The following E2F3 variants were observed in gnomAD, a reference collection of about 807,000 sequenced individuals.
The protein encoded by E2F3 is E2F transcription factor 3.
In E2F3, 11 loss-of-function variants were observed where a neutral mutation model predicts 44.4. The ratio of observed to expected loss-of-function variants is 0.25; its 90% CI spans 0.16 to 0.41. The LOEUF is 0.41. E2F3 is among the 10% of genes least tolerant of loss of function. The pLI is 1.00. For missense variants in E2F3, 487 were observed against 583.6 expected (o/e 0.83, Z 1.70); for synonymous variants, 249 against 253.0 (o/e 0.98, Z 0.15).
At chr6:20,456,642 C>T (rs922357077) in intron 1 of E2F3, among the ~76,000 whole-genome samples, 2 of 151,984 alleles carry the variant, frequency 1.3e-5, no homozygotes, top group African/African-American at 4.8e-5. Context: ...AAAAAAGTAC[C>T]AAAGTCATTA....
intron 1 of E2F3, among the ~76,000 whole-genome samples, chr6:20,470,426 A>G (rs9460508): frequency 0.017 from 2,578 of 152,326 alleles, 78 homozygotes; most frequent in African/African-American, 0.058. Flanking sequence ...TTGAGTTAAT[A>G]CATAGTTACA....
At chr6:20,437,901 A>C (rs1269909015) in intron 1 of E2F3, 1 of 152,246 alleles carries the variant, frequency 6.6e-6, no homozygotes, top group Non-Finnish European at 1.5e-5. Context: ...CTTCCCATAA[A>C]GTCTGTGCTC....
intron 1 of E2F3, among the ~76,000 whole-genome samples, chr6:20,478,084 A>G (rs1431450440): frequency 6.6e-6 from 1 of 152,100 alleles, no homozygotes; most frequent in African/African-American, 2.4e-5. Flanking sequence ...CTGTGGTCCC[A>G]TCTACTCAGG....
chr6:20,438,365 CT>C, intron 1 of E2F3, among the ~76,000 whole-genome samples: 1 of 152,240 alleles, frequency 6.6e-6, no homozygotes, highest in East Asian at 1.9e-4. Flanking sequence ...ATTTTTAACT[CT>C]ATGTTTTCCC....
rs545608588 is a variant in E2F3 at position 20,464,044 on chromosome 6, G to A, written c.394-15802G>A. Among the ~76,000 whole-genome samples the A allele has an allele frequency of 2.0e-5, 3 of 152,336 alleles. No individual in the cohort carries two copies. In the East Asian group the frequency reaches 5.8e-4, roughly 29 times the overall value. ...AGGGTACAGATAAAGGGATGCACAGGGCGAGGTATGGGGGCAGGAGTGTGG... is the reference window on the plus strand; with the variant it reads ...AGGGTACAGATAAAGGGATGCACAGAGCGAGGTATGGGGGCAGGAGTGTGG... On this transcript the variant is annotated intron_variant, in intron 1 of 6. Coordinates refer to ENST00000346618, the MANE Select transcript of E2F3 (RefSeq NM_001949.5).
At chr6:20,404,739 A>G (rs1225216953) in intron 1 of E2F3, among the ~76,000 whole-genome samples, 1 of 152,190 alleles carries the variant, frequency 6.6e-6, no homozygotes, top group African/African-American at 2.4e-5. Context: ...TTTAGTGACT[A>G]GGGTCTGCCA....
In E2F3 at chr6:20,444,556, C is replaced by G. The variant is rs193118414; in HGVS notation, c.394-35290C>G. The stretch of plus-strand genomic sequence containing the variant: ...ACTAGTCTTTTTTAGAAAGTCTAGT[C>G]GTGGGTCTGTTTCTCTTTATTCCAT... On this transcript the variant is annotated intron_variant, in intron 1 of 6. Transcript: ENST00000346618. Among the ~76,000 whole-genome samples, 13 of 152,164 alleles carry G rather than the reference C, an allele frequency of 8.5e-5. No homozygotes were observed. The South Asian group carries it at 2.3e-3, about 27-fold the overall frequency.
In E2F3 at chr6:20,479,985, T is replaced by A. The variant is rs541639963; in HGVS notation, c.505+28T>A. The stretch of plus-strand genomic sequence containing the variant: ...AAGGATCTTTTCATCTCTTTCCTTA[T>A]TCTCCTTGGTATGGCATTTCCAAGT... On this transcript the variant is annotated intron_variant, in intron 2 of 6. Coordinates refer to ENST00000346618, the MANE Select transcript of E2F3 (RefSeq NM_001949.5). The A allele has an allele frequency of 7.0e-6, 11 of 1,574,742 alleles. No individual in the cohort carries two copies. The South Asian group carries it at 1.0e-4, about 15-fold the overall frequency.
intron 1 of E2F3, among the ~76,000 whole-genome samples, chr6:20,477,606 C>G (rs560588926): frequency 6.6e-6 from 1 of 152,158 alleles, no homozygotes; most frequent in South Asian, 2.1e-4. Context: ...AGCCCCATTC[C>G]CAGAGTTTCT....
chr6:20,436,504 G>A (rs1319953979), intron 1 of E2F3, among the ~76,000 whole-genome samples: 1 of 151,224 alleles, frequency 6.6e-6, no homozygotes, highest in African/African-American at 2.4e-5. Flanking sequence ...GAAAAATTTT[G>A]TAACGTTTTA....
In E2F3 at chr6:20,402,072, G is replaced by A. The variant is rs1294775745; in HGVS notation, c.-161G>A. The A allele has an allele frequency of 2.3e-6, 3 of 1,278,256 alleles. No homozygotes were observed. Among genetic ancestry groups the A allele is most frequent in the Non-Finnish European group, 3.1e-6 (3 of 977,016 alleles). 79.2% of individuals were successfully genotyped at this position (1,278,256 alleles called of 1,614,324 possible). On this transcript the variant is annotated 5_prime_UTR_variant, in exon 1 of 7. Coordinates refer to ENST00000346618, the MANE Select transcript of E2F3 (RefSeq NM_001949.5). The surrounding 1 kb of genome is among the most constrained non-coding windows in gnomAD (Gnocchi z 5.6). ...ATTATTTTTGGCCCCCGGGGCCTGT[G>A]CGGTGCGGAAAAATAAAAAGAAAAG... is the stretch of plus-strand genomic sequence containing the variant.
intron 4 of E2F3, among the ~76,000 whole-genome samples, chr6:20,486,042 C>T (rs1762381111): frequency 6.6e-6 from 1 of 152,134 alleles, no homozygotes; most frequent in Admixed American, 6.6e-5. Flanking sequence ...CATGGAATGC[C>T]TGTGCTGCAA....
At chr6:20,406,946 C>G (rs1759514421) in intron 1 of E2F3, among the ~76,000 whole-genome samples, 1 of 152,144 alleles carries the variant, frequency 6.6e-6, no homozygotes, top group Non-Finnish European at 1.5e-5. Context: ...TAAAAAGAAG[C>G]TGAAATTATT....
chr6:20,459,729 G>A (rs1001790479), intron 1 of E2F3, among the ~76,000 whole-genome samples: 1 of 152,176 alleles, frequency 6.6e-6, no homozygotes, highest in African/African-American at 2.4e-5. Flanking sequence ...GATCACTTGA[G>A]TCCAGGAGTT....
intron 1 of E2F3, chr6:20,445,158 C>T: frequency 2.0e-6 from 2 of 985,044 alleles, no homozygotes; most frequent in Non-Finnish European, 2.4e-6. Context: ...GCAGCAGCGC[C>T]TTGTACTTAA....
chr6:20,469,242 C>G (rs1279833296), intron 1 of E2F3, among the ~76,000 whole-genome samples: 1 of 151,978 alleles, frequency 6.6e-6, no homozygotes, highest in Admixed American at 6.6e-5. Flanking sequence ...TTTATTTAAC[C>G]AAAACTAATT....
chr6:20,486,794 C>A lies in E2F3; in HGVS notation c.990C>A (p.Asp330Glu). Residue 330 changes from aspartate to glutamate, a missense_variant, in exon 5 of 7, where the codon GAC becomes GAA. Physicochemically the swap from Asp to Glu is conservative, Grantham distance 45. Transcript: ENST00000346618. Reference protein sequence around the residue: ...APPETRLEVPDSIESLQIHLA... With the variant: ...APPETRLEVPESIESLQIHLA... ...CAGAAACAAGACTTGAAGTGCCTGA[C>A]TCAATAGAGGTAAGGAGACAGCGTC... 1 of 1,607,966 alleles carries A rather than the reference C, an allele frequency of 6.2e-7. No individual in the cohort carries two copies. The highest frequency in any genetic ancestry group is 8.5e-7 in the Non-Finnish European group (1 of 1,175,430).
At chr6:20,417,589 A>T (rs993500843) in intron 1 of E2F3, among the ~76,000 whole-genome samples, 58 of 113,428 alleles carry the variant, frequency 5.1e-4, no homozygotes, top group African/African-American at 2.6e-3. Context: ...TAATGGATTT[A>T]AAAAAAAAAA....
chr6:20,466,097 G>A (rs1027067983), intron 1 of E2F3, among the ~76,000 whole-genome samples: 1 of 127,624 alleles, frequency 7.8e-6, no homozygotes, highest in Non-Finnish European at 1.6e-5. Flanking sequence ...TCACATCCAC[G>A]CCAACATGTT....
Sources: allele counts gnomAD v4.1 joint callset (sites outside exome capture counted in the v4.1 genomes callset), GRCh38; gene constraint gnomAD v4.1.1; non-coding constraint Gnocchi (gnomAD v3.1); transcripts MANE v1.5; gene names NCBI Gene and HGNC (gene_info 2026-07-23, HGNC 2026-07-21).